The following STAMBPL1 variants were observed in gnomAD, a reference collection of about 807,000 sequenced individuals.
STAMBPL1 encodes the protein STAM binding protein like 1.
Under a neutral mutation model 52.9 loss-of-function variants are expected in STAMBPL1, and 44 were observed. That is an observed-to-expected ratio of 0.83 (90% CI 0.65 to 1.07). The LOEUF (loss-of-function observed/expected upper bound fraction) is 1.07, where lower values mean the gene tolerates loss of function less well. Among genes scored for constraint, STAMBPL1 ranks in the 50% least tolerant of loss-of-function variants. The pLI is 0.00. For missense variants in STAMBPL1, 511 were observed against 520.8 expected (o/e 0.98, Z 0.18); for synonymous variants, 164 against 177.3 (o/e 0.92, Z 0.60).
At chr10:88,906,935 G>A (rs1261126391) in intron 3 of STAMBPL1, among the ~76,000 whole-genome samples, 5 of 152,128 alleles carry the variant, frequency 3.3e-5, no homozygotes, top group Non-Finnish European at 7.4e-5. Flanking sequence ...TTGTTATTAA[G>A]TATAATCATC....
At chr10:88,886,377 A>T (rs1003120539) in intron 1 of STAMBPL1, among the ~76,000 whole-genome samples, 2 of 152,194 alleles carry the variant, frequency 1.3e-5, no homozygotes, top group African/African-American at 4.8e-5. Context: ...CCTTAAAAAT[A>T]TACTCTGCAT....
chr10:88,908,123 T>C (rs1296789972), intron 3 of STAMBPL1, among the ~76,000 whole-genome samples: 3 of 152,218 alleles, frequency 2.0e-5, no homozygotes, highest in African/African-American at 7.2e-5. Flanking sequence ...TGGTTTGCTG[T>C]AGGAATTTCC....
chr10:88,890,370 A>G (rs1844648192), intron 1 of STAMBPL1, among the ~76,000 whole-genome samples: 2 of 152,368 alleles, frequency 1.3e-5, no homozygotes, highest in Admixed American at 1.3e-4. Context: ...GAATTAATCA[A>G]AGGGGAGCAA....
chr10:88,915,215 A>G (rs768208172), intron 7 of STAMBPL1, among the ~76,000 whole-genome samples: 11 of 152,194 alleles, frequency 7.2e-5, no homozygotes, highest in Admixed American at 2.0e-4. Context: ...AAGGGATGAA[A>G]GAGAGGAGAT....
At chr10:88,884,395 G>T (rs1314867044) in intron 1 of STAMBPL1, among the ~76,000 whole-genome samples, 1 of 152,192 alleles carries the variant, frequency 6.6e-6, no homozygotes, top group Non-Finnish European at 1.5e-5. Flanking sequence ...GTAGCCAATT[G>T]TAGGTTCCTT....
At chr10:88,900,821 C>G (rs150026460) in intron 1 of STAMBPL1, among the ~76,000 whole-genome samples, 8 of 152,328 alleles carry the variant, frequency 5.3e-5, no homozygotes, top group African/African-American at 1.9e-4. Flanking sequence ...CTCATGGTCT[C>G]ACAAGGCAGC....
chr10:88,894,530 G>A (rs903961872), intron 1 of STAMBPL1, among the ~76,000 whole-genome samples: 2 of 152,192 alleles, frequency 1.3e-5, no homozygotes, highest in African/African-American at 4.8e-5. Context: ...GTAATCAGCA[G>A]GTGGTTCACT....
chr10:88,919,583 A>G (rs967060925), intron 8 of STAMBPL1, among the ~76,000 whole-genome samples: 11 of 152,106 alleles, frequency 7.2e-5, no homozygotes, highest in African/African-American at 2.4e-4. Context: ...ACAATTTTTA[A>G]TTTCTCACGA....
rs1845209225 is a variant in STAMBPL1, at chr10:88,910,988, T to C, written c.397T>C (p.Tyr133His). 2.5e-6 allele frequency: 4 copies of C among 1,592,148 alleles called. No homozygotes were observed. Among genetic ancestry groups the C allele is most frequent in the Non-Finnish European group, 3.4e-6 (4 of 1,172,026 alleles). Reference protein sequence around the residue: ...NDLLKKYNVEYQEYLQSKNKY... With the variant: ...NDLLKKYNVEHQEYLQSKNKY... ...CCTTTTAAAGAAATATAACGTAGAA[T>C]ACCAAGAATATTTGCAAAGCAAAGT... Residue 133 changes from tyrosine to histidine, a missense_variant, in exon 5 of 11, where the codon TAC (tyrosine) becomes CAC (histidine). Coordinates refer to ENST00000371926, the MANE Select transcript of STAMBPL1 (RefSeq NM_020799.4).
chr10:88,885,881 A>T (rs1041678552), intron 1 of STAMBPL1, among the ~76,000 whole-genome samples: 4 of 152,134 alleles, frequency 2.6e-5, no homozygotes, highest in African/African-American at 4.8e-5. Flanking sequence ...CAATATTTTG[A>T]CTTTATTGCA....
chr10:88,913,791 TC>T (rs1016006118), intron 6 of STAMBPL1, among the ~76,000 whole-genome samples: 100 of 152,326 alleles, frequency 6.6e-4, no homozygotes, highest in Admixed American at 1.2e-3. Context: ...CTTAAATACA[TC>T]CATCTTTCTG....
chr10:88,884,041 T>C (rs920430627), intron 1 of STAMBPL1, among the ~76,000 whole-genome samples: 1 of 152,236 alleles, frequency 6.6e-6, no homozygotes, highest in African/African-American at 2.4e-5. Flanking sequence ...GTAATAATAA[T>C]GCAAATTTTA....
chr10:88,896,691 GGGTGAT>G (rs1332833661), intron 1 of STAMBPL1, among the ~76,000 whole-genome samples: 1 of 152,140 alleles, frequency 6.6e-6, no homozygotes, highest in Non-Finnish European at 1.5e-5. Context: ...TGGCACATTT[GGGTGAT>G]GGTCTCGCTG....
At chr10:88,915,087 A>G (rs1829119395) in intron 7 of STAMBPL1, among the ~76,000 whole-genome samples, 1 of 152,140 alleles carries the variant, frequency 6.6e-6, no homozygotes, top group Admixed American at 6.6e-5. Flanking sequence ...TAAAACTAGG[A>G]TTTTGTAGTT....
At position 88,914,558 on chromosome 10, in the gene STAMBPL1, G is replaced by A. The variant is rs1424737737; in HGVS notation, c.803G>A (p.Cys268Tyr). Reference protein sequence around the residue: ...VQNLVVEGLRCVVLPEDLCHK... With the variant: ...VQNLVVEGLRYVVLPEDLCHK... Reference sequence around the variant, plus strand: ...GATTTAGTGGTTGAAGGACTGCGATGTGTAGTTTTGCCAGAAGATCTTTGC... The same window carrying A: ...GATTTAGTGGTTGAAGGACTGCGATATGTAGTTTTGCCAGAAGATCTTTGC... Residue 268 changes from cysteine (C) to tyrosine (Y), a missense_variant, in exon 7 of 11, where the codon TGT becomes TAT. By Grantham distance (194) the Cys-to-Tyr change is radical. This residue lies in a region of STAMBPL1 where 358 missense variants were observed against 343.5 expected (regional missense o/e 1.04). Coordinates refer to ENST00000371926, the MANE Select transcript of STAMBPL1 (RefSeq NM_020799.4). 1.3e-6 allele frequency: 2 copies of A among 1,537,472 alleles called. No individual in the cohort carries two copies. The highest frequency in any genetic ancestry group is 1.4e-5 in the African/African-American group (1 of 71,398).
intron 1 of STAMBPL1, among the ~76,000 whole-genome samples, chr10:88,886,111 G>C (rs1237464303): frequency 2.6e-5 from 4 of 152,110 alleles, no homozygotes; most frequent in African/African-American, 9.7e-5. Flanking sequence ...AGGTGAAAAC[G>C]CAAATTGGAA....
Position 88,921,414 on chromosome 10 carries a change from G to A in STAMBPL1, c.1154+19G>A, listed in dbSNP as rs746859053. The A allele has an allele frequency of 6.9e-6, 11 of 1,597,590 alleles. No individual in the cohort carries two copies. In the Middle Eastern group the frequency reaches 5.0e-4, roughly 73 times the overall value. On this transcript the variant is annotated intron_variant, in intron 9 of 10. Coordinates refer to ENST00000371926, the MANE Select transcript of STAMBPL1 (RefSeq NM_020799.4). ...ATAAAGAGTAAGTGTAACTCTTCAGGGGAGACCAAAGAAGGCTTTGTCCAG... is the reference window on the plus strand; with the variant it reads ...ATAAAGAGTAAGTGTAACTCTTCAGAGGAGACCAAAGAAGGCTTTGTCCAG...
In STAMBPL1 at chr10:88,905,574, T is replaced by C; in HGVS notation, c.162T>C (p.Ser54=). 6.2e-7 allele frequency: 1 copy of C among 1,614,138 alleles called. No individual in the cohort carries two copies. Among genetic ancestry groups the C allele is most frequent in the Non-Finnish European group, 8.5e-7 (1 of 1,180,002 alleles). Residue 54 remains serine (S), a synonymous_variant, in exon 3 of 11, where the codon TCT becomes TCC. Coordinates refer to ENST00000371926, the MANE Select transcript of STAMBPL1 (RefSeq NM_020799.4). ...TCACTCCACGACGTTACTTTAGGTC[T>C]GGAGTAGAGATGGAGAGGATGGCGT... is the stretch of plus-strand genomic sequence containing the variant. ...EDITPRRYFR[S]GVEMERMASV...
intron 9 of STAMBPL1, among the ~76,000 whole-genome samples, chr10:88,922,009 T>A (rs1323684932): frequency 1.3e-5 from 2 of 152,222 alleles, no homozygotes. Context: ...TTAACATAAT[T>A]AGAAGATTCG....
Sources: gnomAD v4.1 joint callset for allele counts (sites outside exome capture counted in the v4.1 genomes callset) on GRCh38, gnomAD v4.1.1 for gene constraint, gnomAD v4.1.1 regional missense constraint, MANE v1.5 for transcripts, NCBI Gene and HGNC (gene_info 2026-07-23, HGNC 2026-07-21) for gene names.